ADGB: variants seen among roughly 807,000 people sequenced by gnomAD.
The protein encoded by ADGB is androglobin.
Under a neutral mutation model 210.5 loss-of-function variants are expected in ADGB, and 172 were observed. The observed-to-expected ratio is 0.82, with a 90% CI of 0.72 to 0.93. The LOEUF (loss-of-function observed/expected upper bound fraction) is 0.93. ADGB is among the 40% of genes least tolerant of loss of function. ADGB has a pLI of 0.00. For missense variants in ADGB, 2,025 were observed against 1,964.8 expected, an observed-to-expected ratio of 1.03 and a Z score of -0.58; for synonymous variants, 658 against 662.7, an observed-to-expected ratio of 0.99 and a Z score of 0.11.
intron 1 of ADGB, among the ~76,000 whole-genome samples, chr6:146,603,983 G>T (rs775238422): frequency 2.0e-5 from 3 of 152,106 alleles, no homozygotes; most frequent in Non-Finnish European, 2.9e-5. Context: ...CATTAGGGAG[G>T]TGCTCTCTGT....
chr6:146,741,478 TTTC>T (rs1180551663), intron 25 of ADGB, among the ~76,000 whole-genome samples: 19 of 152,306 alleles, frequency 1.2e-4, no homozygotes, highest in Non-Finnish European at 8.8e-5. Flanking sequence ...CTCAACGCTC[TTTC>T]TTCTTCTTCC....
chr6:146,811,559 A>G (rs1031327127), intron 35 of ADGB, among the ~76,000 whole-genome samples: 3 of 152,144 alleles, frequency 2.0e-5, no homozygotes, highest in Admixed American at 6.5e-5. Flanking sequence ...ACAATTTGTC[A>G]TTACAATTTA....
intron 35 of ADGB, among the ~76,000 whole-genome samples, chr6:146,812,808 C>T (rs1778321259): frequency 6.6e-6 from 1 of 152,116 alleles, no homozygotes; most frequent in Non-Finnish European, 1.5e-5. Context: ...GTTTCCAGGC[C>T]AGCAAAGAAC....
At chr6:146,679,316 C>A (rs558463329) in intron 9 of ADGB, among the ~76,000 whole-genome samples, 1 of 152,148 alleles carries the variant, frequency 6.6e-6, no homozygotes, top group Non-Finnish European at 1.5e-5. Flanking sequence ...GAGTCCCAGT[C>A]TAAATTATTA....
chr6:146,811,697 A>ATT (rs1412442011), intron 35 of ADGB, among the ~76,000 whole-genome samples: 1 of 150,528 alleles, frequency 6.6e-6, no homozygotes, highest in Non-Finnish European at 1.5e-5. Context: ...TTTGAGATGG[A>ATT]CTCTCCCTCT....
chr6:146,672,637 A>C (rs941412218), intron 8 of ADGB, among the ~76,000 whole-genome samples, 170 bp downstream of exon 8: 7 of 152,142 alleles, frequency 4.6e-5, no homozygotes, highest in Admixed American at 4.6e-4. Context: ...TGAAGTAAGA[A>C]GAGATAGTTT....
At chr6:146,703,529 C>T (rs1371976743) in intron 13 of ADGB, among the ~76,000 whole-genome samples, 1 of 151,798 alleles carries the variant, frequency 6.6e-6, no homozygotes, top group Non-Finnish European at 1.5e-5. Context: ...CACATCTAGC[C>T]CCTGGTAACT....
At chr6:146,807,296 G>A in intron 35 of ADGB, 2 of 1,111,876 alleles carry the variant, frequency 1.8e-6, no homozygotes, top group East Asian at 2.7e-5. Context: ...TTTTGCCTAT[G>A]AATGTGTGGG....
At chr6:146,728,828 A>T in intron 20 of ADGB, 87 bp downstream of exon 20, 1 of 1,111,536 alleles carries the variant, frequency 9.0e-7, no homozygotes, top group Non-Finnish European at 1.2e-6. Flanking sequence ...CCCAAATCAG[A>T]GCCAGAGAAA....
intron 2 of ADGB, chr6:146,639,855 T>C (rs1044901395): frequency 1.6e-4 from 25 of 151,768 alleles, no homozygotes; most frequent in African/African-American, 5.1e-4. Flanking sequence ...ATTGAAATAA[T>C]TAGAGAAGCT....
Position 146,717,032 on chromosome 6 carries a change from A to C in ADGB, c.1891A>C (p.Ile631Leu), listed in dbSNP as rs1373228968. The C allele has an allele frequency of 6.4e-7, 1 of 1,551,574 alleles. No individual in the cohort carries two copies. Among genetic ancestry groups the C allele is most frequent in the Non-Finnish European group, 8.7e-7 (1 of 1,146,884 alleles). The change falls in exon 15 of 36, where the codon ATA (isoleucine) becomes CTA (leucine). Residue 631 changes from isoleucine (I) to leucine (L), a missense_variant. Physicochemically the swap from Ile to Leu is conservative, Grantham distance 5. Transcript: ENST00000397944. ...AACAAATAATAGTGTTTCTAAAGAA[A>C]TATGGTTAGATTTTGAAGATTTCTG... ...PTTNNSVSKE[I>L]WLDFEDFCVC...
At chr6:146,691,437 T>TAAA (rs1215262892) in intron 11 of ADGB, 147 bp downstream of exon 11, 1 of 24,006 alleles carries the variant, frequency 4.2e-5, no homozygotes, top group Non-Finnish European at 6.4e-5. Context: ...TATATATATA[T>TAAA]ATATAAAAAT....
chr6:146,813,197 T>G (rs1459250689), intron 35 of ADGB, among the ~76,000 whole-genome samples: 1 of 152,220 alleles, frequency 6.6e-6, no homozygotes, highest in Non-Finnish European at 1.5e-5. Context: ...TGCGGTAATC[T>G]GAATCCGTGA....
intron 3 of ADGB, among the ~76,000 whole-genome samples, chr6:146,653,546 C>G (rs10428780): frequency 0.02 from 3,012 of 152,144 alleles, 90 homozygotes; most frequent in African/African-American, 0.066. Flanking sequence ...GATGAGAATA[C>G]ATCGACACAT....
At chr6:146,639,781 G>T (rs560905439) in intron 2 of ADGB, 1 of 152,030 alleles carries the variant, frequency 6.6e-6, no homozygotes, top group Non-Finnish European at 1.5e-5. Flanking sequence ...CATGCCTCCT[G>T]CACAAGCATG....
At chr6:146,644,480 G>C (rs960475856) in intron 2 of ADGB, among the ~76,000 whole-genome samples, 4 of 151,956 alleles carry the variant, frequency 2.6e-5, no homozygotes, top group Middle Eastern at 3.4e-3. Context: ...ATCTAATATA[G>C]TTTCCACAGC....
intron 29 of ADGB, among the ~76,000 whole-genome samples, chr6:146,769,650 A>G (rs1389430851): frequency 6.6e-6 from 1 of 152,214 alleles, no homozygotes; most frequent in African/African-American, 2.4e-5. Context: ...GGAAATCTCC[A>G]ACAGCTTTAT....
intron 1 of ADGB, among the ~76,000 whole-genome samples, chr6:146,606,237 A>G (rs1780627536): frequency 6.6e-6 from 1 of 151,974 alleles, no homozygotes; most frequent in African/African-American, 2.4e-5. Flanking sequence ...GCCCATTTTA[A>G]GTGGGGTTGC....
At chr6:146,805,015 G>C (rs1161545443) in intron 35 of ADGB, among the ~76,000 whole-genome samples, 1 of 152,180 alleles carries the variant, frequency 6.6e-6, no homozygotes, top group African/African-American at 2.4e-5. Flanking sequence ...ACAGGCCTTA[G>C]TTCACCAACT....
Sources: allele counts gnomAD v4.1 joint callset (sites outside exome capture counted in the v4.1 genomes callset), GRCh38; gene constraint gnomAD v4.1.1; transcripts MANE v1.5; gene names NCBI Gene and HGNC (gene_info 2026-07-23, HGNC 2026-07-21).